RBM17: variants seen among roughly 807,000 people sequenced by gnomAD.
RBM17 encodes splicing factor 45.
Under a neutral mutation model 53.2 loss-of-function variants are expected in RBM17, and 7 were observed. The observed-to-expected ratio is 0.13, with a 90% CI of 0.07 to 0.25. RBM17 has a LOEUF of 0.25. Among genes scored for constraint, RBM17 ranks in the 10% least tolerant of loss-of-function variants. The probability of loss-of-function intolerance (pLI) is 1.00; values close to 1 mark genes in which losing one functional copy is unlikely to be tolerated. For missense variants in RBM17, 257 were observed against 496.7 expected (o/e 0.52, Z 4.59); for synonymous variants, 167 against 178.1 (o/e 0.94, Z 0.50).
At chr10:6,110,316 C>T (rs974949418) in intron 7 of RBM17, among the ~76,000 whole-genome samples, 189 bp downstream of exon 7, 5 of 152,158 alleles carry the variant, frequency 3.3e-5, no homozygotes, top group African/African-American at 1.2e-4. Context: ...AAAACAGCAA[C>T]CTCCCAGTAG....
At chr10:6,114,375 C>CAGTATGATGACTGAAG in intron 10 of RBM17, 1 of 399,576 alleles carries the variant, frequency 2.5e-6, no homozygotes, top group South Asian at 2.2e-5. Context: ...GATTGAGGAT[C>CAGTATGATGACTGAAG]AGTATGATGA....
At chr10:6,110,708 G>A (rs1179915739) in intron 7 of RBM17, among the ~76,000 whole-genome samples, 1 of 152,210 alleles carries the variant, frequency 6.6e-6, no homozygotes, top group East Asian at 1.9e-4. Context: ...CTGTGAGACG[G>A]CTGTCCCATG....
At chr10:6,095,600 C>T (rs1441653341) in intron 1 of RBM17, among the ~76,000 whole-genome samples, 1 of 152,094 alleles carries the variant, frequency 6.6e-6, no homozygotes, top group Non-Finnish European at 1.5e-5. Context: ...TACGGCCTTG[C>T]GGGGACCTTT....
chr10:6,092,552 TG>T (rs1840502312), intron 1 of RBM17, among the ~76,000 whole-genome samples: 2 of 152,304 alleles, frequency 1.3e-5, no homozygotes, highest in South Asian at 4.1e-4. Context: ...TGGTTGAGTG[TG>T]GTTTCTTAGT....
intron 1 of RBM17, among the ~76,000 whole-genome samples, chr10:6,096,330 G>A (rs1053410499): frequency 1.4e-4 from 22 of 152,158 alleles, no homozygotes; most frequent in Non-Finnish European, 2.5e-4. Context: ...GCTTTCATGG[G>A]ACCTGCTGCC....
intron 6 of RBM17, 28 bp downstream of exon 6, chr10:6,108,770 A>G (rs1450346849): frequency 1.3e-6 from 2 of 1,566,148 alleles, no homozygotes; most frequent in Non-Finnish European, 1.8e-6. Flanking sequence ...TTCCTCTTTT[A>G]TTCTGATACA....
At position 6,112,303 on chromosome 10, in the gene RBM17, A is replaced by G; in HGVS notation, c.798A>G (p.Ser266=). 1 of 1,613,988 alleles carries G rather than the reference A, an allele frequency of 6.2e-7. No individual in the cohort carries two copies. The highest frequency in any genetic ancestry group is 8.5e-7 in the Non-Finnish European group (1 of 1,180,022). Reference sequence around the variant, plus strand: ...AGCAGGGCCTGAGCACTGCCTTGTCAGTGGAGAAGACCAGCAAGCGTGGCG... The same window carrying G: ...AGCAGGGCCTGAGCACTGCCTTGTCGGTGGAGAAGACCAGCAAGCGTGGCG... ...KHEQGLSTAL[S]VEKTSKRGGK... is the part of the protein sequence containing the mutation. The change falls in exon 8 of 12, where the codon TCA becomes TCG. Residue 266 remains serine, a synonymous_variant. Coordinates refer to ENST00000379888, the MANE Select transcript of RBM17 (RefSeq NM_032905.5). This position sits in a 1 kb window ranked among gnomAD's most constrained non-coding sequence, Gnocchi z 4.4.
chr10:6,108,926 C>T (rs1215906671), intron 6 of RBM17, among the ~76,000 whole-genome samples, 184 bp downstream of exon 6: 1 of 152,178 alleles, frequency 6.6e-6, no homozygotes, highest in African/African-American at 2.4e-5. Flanking sequence ...AGAGAGAGAC[C>T]TTTCTACGCC....
Position 6,105,002 on chromosome 10 carries a change from T to G in RBM17, c.312T>G (p.Phe104Leu), listed in dbSNP as rs377701497. 4 of 1,613,906 alleles carry G rather than the reference T, an allele frequency of 2.5e-6. No homozygotes were observed. Among genetic ancestry groups the G allele is most frequent in the Non-Finnish European group, 3.4e-6 (4 of 1,179,930 alleles). The change falls in exon 4 of 12, where the codon TTT (phenylalanine) becomes TTG (leucine). Residue 104 changes from phenylalanine to leucine, a missense_variant. Physicochemically the swap from Phe to Leu is conservative, Grantham distance 22 (BLOSUM62 0). Coordinates refer to ENST00000379888, the MANE Select transcript of RBM17 (RefSeq NM_032905.5). ...TAGCTGACGAATATGACCCTATGTT[T>G]CCTAATGATTATGAGAAAGTAGTGA... ...IPLADEYDPM[F>L]PNDYEKVVKR... is the part of the protein sequence containing the mutation.
chr10:6,107,697 G>A (rs775204255), intron 5 of RBM17, among the ~76,000 whole-genome samples: 113 of 151,740 alleles, frequency 7.4e-4, no homozygotes, highest in Admixed American at 1.2e-3. Context: ...GATCAGGCTG[G>A]TCTCAAACTC....
intron 2 of RBM17, among the ~76,000 whole-genome samples, chr10:6,100,127 A>C (rs1282475237): frequency 6.6e-6 from 1 of 152,222 alleles, no homozygotes; most frequent in African/African-American, 2.4e-5. Flanking sequence ...TTACTTTGTG[A>C]GTTGTTAATT....
chr10:6,101,739 A>G (rs1840672882), intron 3 of RBM17, among the ~76,000 whole-genome samples: 1 of 152,372 alleles, frequency 6.6e-6, no homozygotes, highest in East Asian at 1.9e-4. Context: ...GTCAAAAAAT[A>G]CAGGACTGTA....
intron 2 of RBM17, among the ~76,000 whole-genome samples, chr10:6,098,827 C>T (rs139928536): frequency 0.025 from 3,830 of 152,012 alleles, 76 homozygotes; most frequent in Non-Finnish European, 0.041. Context: ...GGATTACAGG[C>T]GTGAGCCACC....
rs1564564535 is a variant in RBM17, at chr10:6,092,329, T to TG, written c.-19+3137dup. On this transcript the variant is annotated intron_variant, in intron 1 of 11. Coordinates refer to ENST00000379888, the MANE Select transcript of RBM17 (RefSeq NM_032905.5). ...GTTTGGGTCTTGGCAGTCTTATTAA[T>TG]GTACTTATTACATTTCAGTAGTTGC... Among the ~76,000 whole-genome samples the TG allele has an allele frequency of 3.5e-4, 53 of 152,336 alleles. No individual in the cohort carries two copies. The East Asian group carries it at 9.6e-3, about 28-fold the overall frequency.
At chr10:6,104,371 C>G (rs952775643) in intron 3 of RBM17, among the ~76,000 whole-genome samples, 2 of 152,302 alleles carry the variant, frequency 1.3e-5, no homozygotes, top group Admixed American at 6.5e-5. Flanking sequence ...ATTACATCCC[C>G]TTGTGTCAAA....
At chr10:6,111,558 T>G (rs1293683167) in intron 7 of RBM17, among the ~76,000 whole-genome samples, 1 of 152,224 alleles carries the variant, frequency 6.6e-6, no homozygotes, top group African/African-American at 2.4e-5. Flanking sequence ...CAGGCTGGTC[T>G]TGAACTCCTG....
intron 9 of RBM17, 33 bp from the exon 10 acceptor site, chr10:6,114,016 G>A: frequency 7.2e-7 from 1 of 1,383,960 alleles, no homozygotes; most frequent in Non-Finnish European, 1.0e-6. Context: ...AGTTATACTT[G>A]GTACTTGAAT....
chr10:6,115,548 C>G lies in RBM17; in HGVS notation c.1198C>G (p.Gln400Glu). The change falls in exon 12 of 12, where the codon CAA (glutamine) becomes GAA (glutamate). Residue 400 changes from glutamine (Q) to glutamate (E), a missense_variant. Gln to Glu is a conservative substitution (Grantham distance 29, BLOSUM62 2). Transcript: ENST00000379888. ...ATTCAGGGTCTTGGATTTGGCAGAA[C>G]AAGTTTGATTTTAAGAACTAGAGCA... ...DKFRVLDLAEQV is the reference protein window; with the variant it reads ...DKFRVLDLAEEV The G allele has an allele frequency of 6.2e-7, 1 of 1,605,366 alleles. No individual in the cohort carries two copies.
chr10:6,098,565 T>C (rs11256713), intron 2 of RBM17, among the ~76,000 whole-genome samples: 231 of 10,028 alleles, frequency 0.023, 1 homozygote, highest in Middle Eastern at 0.1. Context: ...GGTTTTTTGT[T>C]TTTTTTTTTT....
Sources: allele counts gnomAD v4.1 joint callset (sites outside exome capture counted in the v4.1 genomes callset), GRCh38; gene constraint gnomAD v4.1.1; non-coding constraint Gnocchi (gnomAD v3.1); transcripts MANE v1.5; gene names NCBI Gene and HGNC (gene_info 2026-07-23, HGNC 2026-07-21).